ANAPC10: variants seen among roughly 807,000 people sequenced by gnomAD.
The protein encoded by ANAPC10 is anaphase promoting complex subunit 10.
In ANAPC10, 12 loss-of-function variants were observed where a neutral mutation model predicts 22.0. That is an observed-to-expected ratio of 0.55 (90% CI 0.35 to 0.88). The LOEUF is 0.88. Ranked by LOEUF, ANAPC10 falls within the 40% of genes least tolerant of loss-of-function variation. ANAPC10 has a pLI of 0.01. For missense variants in ANAPC10, 188 were observed against 220.9 expected (o/e 0.85, Z 0.94); for synonymous variants, 65 against 69.5 (o/e 0.94, Z 0.32).
At chr4:145,003,532 G>C (rs1233382785) in intron 4 of ANAPC10, among the ~76,000 whole-genome samples, 2 of 152,128 alleles carry the variant, frequency 1.3e-5, no homozygotes, top group African/African-American at 2.4e-5. Flanking sequence ...GTGTAAGGAA[G>C]GGATCCAGTT....
At position 145,016,215 on chromosome 4, in the gene ANAPC10, A is replaced by G. The variant is rs561978219; in HGVS notation, c.328-20612T>C. Among the ~76,000 whole-genome samples the G allele has an allele frequency of 2.0e-5, 3 of 152,320 alleles. No individual in the cohort carries two copies. The East Asian group carries it at 5.8e-4, about 29-fold the overall frequency. ...GCAGATGACATGATTGTATATTTAG[A>G]AAACCCCACCGTCTCAGCCCAAAAT... On this transcript the variant is annotated intron_variant, in intron 4 of 4. Transcript: ENST00000507656.
chr4:145,054,431 G>A (rs113839755), intron 4 of ANAPC10, among the ~76,000 whole-genome samples: 17,457 of 150,832 alleles, frequency 0.12, 1,283 homozygotes, highest in Non-Finnish European at 0.15. Flanking sequence ...GGTGGCAGGC[G>A]CCTGTAGTCC....
At chr4:145,026,544 C>T (rs1454865580) in intron 4 of ANAPC10, among the ~76,000 whole-genome samples, 2 of 151,830 alleles carry the variant, frequency 1.3e-5, no homozygotes, top group Non-Finnish European at 2.9e-5. Flanking sequence ...GGAGGTGAGG[C>T]TTCCAGACTG....
intron 2 of ANAPC10, among the ~76,000 whole-genome samples, chr4:145,081,970 A>C (rs1205509944): frequency 6.6e-6 from 1 of 152,132 alleles, no homozygotes; most frequent in Non-Finnish European, 1.5e-5. Context: ...TTGGCCTCCC[A>C]AAGTGCAGTG....
intron 3 of ANAPC10, 41 bp downstream of exon 3, chr4:145,081,619 T>C (rs772195837): frequency 1.6e-6 from 2 of 1,255,420 alleles, no homozygotes; most frequent in Non-Finnish European, 2.3e-6. Flanking sequence ...TATTTGTCTA[T>C]AACCTACAGT....
intron 4 of ANAPC10, among the ~76,000 whole-genome samples, chr4:145,007,251 G>A (rs1733526710): frequency 6.6e-6 from 1 of 152,064 alleles, no homozygotes; most frequent in Non-Finnish European, 1.5e-5. Flanking sequence ...GGTTGACAAG[G>A]ATATTCAGGA....
At chr4:145,067,367 G>T (rs1231665058) in intron 3 of ANAPC10, among the ~76,000 whole-genome samples, 1 of 152,010 alleles carries the variant, frequency 6.6e-6, no homozygotes, top group Non-Finnish European at 1.5e-5. Flanking sequence ...TACAAGAGTG[G>T]GGAAGGAAGA....
chr4:145,097,510 T>TC (rs1240690390), intron 1 of ANAPC10: 2 of 1,287,108 alleles, frequency 1.6e-6, no homozygotes, highest in African/African-American at 3.0e-5. Flanking sequence ...CCTTGACACC[T>TC]CCCATTGTAT....
chr4:145,077,989 T>G (rs1400323760), intron 3 of ANAPC10, among the ~76,000 whole-genome samples: 2 of 152,114 alleles, frequency 1.3e-5, no homozygotes, highest in African/African-American at 4.8e-5. Context: ...CTCTCACCAC[T>G]TCTATTCAAC....
chr4:145,000,668 T>C (rs1732381934), intron 4 of ANAPC10, among the ~76,000 whole-genome samples: 1 of 152,226 alleles, frequency 6.6e-6, no homozygotes, highest in Non-Finnish European at 1.5e-5. Flanking sequence ...GAACTAGAAA[T>C]ACTATTTGAC....
chr4:145,084,286 T>C (rs570349317), intron 2 of ANAPC10, among the ~76,000 whole-genome samples: 2 of 152,340 alleles, frequency 1.3e-5, no homozygotes, highest in East Asian at 1.9e-4. Context: ...GAATTTCAAA[T>C]TACTAGTTAG....
intron 2 of ANAPC10, among the ~76,000 whole-genome samples, chr4:145,094,652 G>A (rs916779994): frequency 3.9e-5 from 6 of 152,284 alleles, no homozygotes; most frequent in Middle Eastern, 3.4e-3. Flanking sequence ...TCAAGCTAAA[G>A]AAATTTCTCC....
chr4:145,026,902 A>T (rs1452736273), intron 4 of ANAPC10, among the ~76,000 whole-genome samples: 1 of 106,072 alleles, frequency 9.4e-6, no homozygotes, highest in Non-Finnish European at 1.9e-5. Context: ...ATACAAATGA[A>T]GTTTTTGCCT....
chr4:145,075,330 A>T (rs995826491), intron 3 of ANAPC10, among the ~76,000 whole-genome samples: 30 of 152,348 alleles, frequency 2.0e-4, no homozygotes, highest in African/African-American at 7.0e-4. Flanking sequence ...ATAACTTTAT[A>T]TTACATTTAT....
At chr4:145,034,523 T>TTA (rs370113295) in intron 4 of ANAPC10, among the ~76,000 whole-genome samples, 35,895 of 91,078 alleles carry the variant, frequency 0.39, 7,385 homozygotes, top group Middle Eastern at 0.42. Context: ...AAACTCTCCT[T>TTA]TATATATATA....
chr4:145,056,588 CT>C (rs1166238824), intron 4 of ANAPC10, among the ~76,000 whole-genome samples: 1 of 152,094 alleles, frequency 6.6e-6, no homozygotes, highest in African/African-American at 2.4e-5. Flanking sequence ...CTTGTAACAT[CT>C]TTCTGGCGAC....
chr4:145,072,534 G>A (rs905655029), intron 3 of ANAPC10, among the ~76,000 whole-genome samples: 49 of 152,114 alleles, frequency 3.2e-4, no homozygotes, highest in Non-Finnish European at 6.2e-4. Context: ...TCTTCCATTA[G>A]TACATAATGT....
intron 1 of ANAPC10, chr4:145,097,176 T>C: frequency 3.5e-6 from 1 of 287,782 alleles, no homozygotes. Context: ...CACTCCAGCC[T>C]GCGTAACAGA....
chr4:145,048,021 T>TCC, intron 4 of ANAPC10, among the ~76,000 whole-genome samples: 1 of 152,262 alleles, frequency 6.6e-6, no homozygotes, highest in East Asian at 1.9e-4. Flanking sequence ...TATATTACAT[T>TCC]CCCTTTAGTC....
Sources: allele counts gnomAD v4.1 joint callset (sites outside exome capture counted in the v4.1 genomes callset), GRCh38; gene constraint gnomAD v4.1.1; transcripts MANE v1.5; gene names NCBI Gene and HGNC (gene_info 2026-07-23, HGNC 2026-07-21).